NCAM2: variants seen among roughly 807,000 people sequenced by gnomAD.
The protein encoded by NCAM2 is neural cell adhesion molecule 2, also known as N-CAM-2.
Under a neutral mutation model 98.1 loss-of-function variants are expected in NCAM2, and 30 were observed. The observed-to-expected ratio is 0.31, with a 90% CI of 0.23 to 0.41. The LOEUF is 0.41. Ranked by LOEUF, NCAM2 falls within the 10% of genes least tolerant of loss-of-function variation. NCAM2 has a pLI of 1.00. For missense variants in NCAM2, 867 were observed against 1,005.8 expected (o/e 0.86, Z 1.87); for synonymous variants, 368 against 342.4 (o/e 1.07, Z -0.83).
At chr21:21,133,212 A>G (rs1328901923) in intron 1 of NCAM2, among the ~76,000 whole-genome samples, 7 of 152,324 alleles carry the variant, frequency 4.6e-5, no homozygotes, top group Admixed American at 3.9e-4. Context: ...ACTAACAATG[A>G]AGAAAACATT....
chr21:21,165,624 C>G (rs1477161049), intron 1 of NCAM2, among the ~76,000 whole-genome samples: 1 of 152,218 alleles, frequency 6.6e-6, no homozygotes, highest in Non-Finnish European at 1.5e-5. Flanking sequence ...GAGGCCTGCT[C>G]ATTTTTTACC....
Position 21,142,366 on chromosome 21 carries a change from T to A in NCAM2, c.56-138212T>A, listed in dbSNP as rs760446125. On this transcript the variant is annotated intron_variant, in intron 1 of 17. Coordinates refer to ENST00000400546, the MANE Select transcript of NCAM2 (RefSeq NM_004540.5). ...CTTCACTTTTTAAATTATTTGACCG[T>A]TTTTTTTTATGTTTTTTTTTTTTTT... Among the ~76,000 whole-genome samples the A allele has an allele frequency of 5.3e-5, 4 of 75,578 alleles. No individual in the cohort carries two copies. The Admixed American group carries it at 7.3e-4, about 14-fold the overall frequency. 49.6% of individuals were successfully genotyped at this position (75,578 alleles called of 152,430 possible).
At chr21:21,306,280 TTAAACTC>T (rs950608161) in intron 5 of NCAM2, among the ~76,000 whole-genome samples, 4 of 152,174 alleles carry the variant, frequency 2.6e-5, no homozygotes, top group Admixed American at 1.3e-4. Context: ...AAATAGCTGT[TTAAACTC>T]TAATAAAATT....
At chr21:21,028,957 G>T (rs1352655666) in intron 1 of NCAM2, among the ~76,000 whole-genome samples, 4 of 152,128 alleles carry the variant, frequency 2.6e-5, no homozygotes, top group Admixed American at 1.3e-4. Context: ...TTTACATTTA[G>T]TGTTAAAATT....
At chr21:21,379,067 T>C (rs552587720) in intron 9 of NCAM2, among the ~76,000 whole-genome samples, 3 of 152,194 alleles carry the variant, frequency 2.0e-5, no homozygotes, top group African/African-American at 7.2e-5. Flanking sequence ...AGGGCTGTTA[T>C]TAATTTTGAG....
intron 9 of NCAM2, among the ~76,000 whole-genome samples, chr21:21,389,028 G>A (rs115447772): frequency 6.6e-6 from 1 of 152,126 alleles, no homozygotes; most frequent in Admixed American, 6.5e-5. Flanking sequence ...GGGTAACTGG[G>A]ATATCCCTCA....
chr21:21,336,182 A>G (rs1478096665), intron 7 of NCAM2, among the ~76,000 whole-genome samples: 3 of 152,170 alleles, frequency 2.0e-5, no homozygotes, highest in African/African-American at 7.2e-5. Context: ...TTACAGAAAT[A>G]TAATGACGTA....
chr21:21,123,794 A>T (rs1335432794), intron 1 of NCAM2, among the ~76,000 whole-genome samples: 3 of 149,786 alleles, frequency 2.0e-5, no homozygotes, highest in Non-Finnish European at 4.4e-5. Context: ...CATTTTACAG[A>T]TGATGAAGTG....
chr21:21,066,863 G>A (rs1191486821), intron 1 of NCAM2, among the ~76,000 whole-genome samples: 1 of 151,984 alleles, frequency 6.6e-6, no homozygotes, highest in Non-Finnish European at 1.5e-5. Flanking sequence ...CTGAATTACT[G>A]TGTTATTGAT....
intron 2 of NCAM2, among the ~76,000 whole-genome samples, chr21:21,283,374 GA>G (rs2072994030): frequency 6.6e-6 from 1 of 151,870 alleles, no homozygotes. Context: ...GTAATTAGGT[GA>G]AATACATCCT....
intron 1 of NCAM2, among the ~76,000 whole-genome samples, chr21:21,264,230 A>G (rs2072035327): frequency 6.6e-6 from 1 of 152,146 alleles, no homozygotes; most frequent in African/African-American, 2.4e-5. Flanking sequence ...AGTGGCCAAC[A>G]AAGATATGAA....
chr21:21,190,713 A>C (rs1257382909), intron 1 of NCAM2, among the ~76,000 whole-genome samples: 1 of 152,162 alleles, frequency 6.6e-6, no homozygotes, highest in African/African-American at 2.4e-5. Flanking sequence ...ATCAAGTTTT[A>C]GCTCTACTGT....
Position 21,385,395 on chromosome 21 carries a change from C to CACACACACACACACAT in NCAM2, c.1195+11386_1195+11387insACACACACACATACAC, listed in dbSNP as rs141149066. ...AAACACACACACACACACACACACA[C>CACACACACACACACAT]ACACGCACACACACATACACACACA... On this transcript the variant is annotated intron_variant, in intron 9 of 17. Transcript: ENST00000400546. Among the ~76,000 whole-genome samples, 878 of 150,668 alleles carry CACACACACACACACAT rather than the reference C, an allele frequency of 5.8e-3. 24 individuals carry two copies. In the East Asian group the frequency reaches 0.087, roughly 15 times the overall value.
rs560842087 is a variant in NCAM2 at position 21,142,202 on chromosome 21, G to C, written c.56-138376G>C. 5.9e-4 allele frequency among the ~76,000 whole-genome samples: 90 copies of C among 152,134 alleles called. No individual in the cohort carries two copies. In the Middle Eastern group the frequency reaches 0.02, roughly 34 times the overall value. On this transcript the variant is annotated intron_variant, in intron 1 of 17. Coordinates refer to ENST00000400546, the MANE Select transcript of NCAM2 (RefSeq NM_004540.5). Reference sequence around the variant, plus strand: ...TAATATGAATACTATAAACATTTGTGACTTTTTTGGGTAGTTTTTCCTGTC... The same window carrying C: ...TAATATGAATACTATAAACATTTGTCACTTTTTTGGGTAGTTTTTCCTGTC...
intron 8 of NCAM2, among the ~76,000 whole-genome samples, 155 bp from the exon 9 acceptor site, chr21:21,373,708 T>C (rs2075970604): frequency 6.6e-6 from 1 of 151,802 alleles, no homozygotes; most frequent in Non-Finnish European, 1.5e-5. Context: ...AAAAAACTTA[T>C]TCTTAGCTAT....
At chr21:21,327,618 G>A (rs1037104825) in intron 6 of NCAM2, among the ~76,000 whole-genome samples, 18 of 152,180 alleles carry the variant, frequency 1.2e-4, no homozygotes, top group Non-Finnish European at 2.1e-4. Flanking sequence ...GATCTCTTGT[G>A]ATGGTTGAAC....
At chr21:21,134,068 T>C (rs1216856460) in intron 1 of NCAM2, among the ~76,000 whole-genome samples, 2 of 58,824 alleles carry the variant, frequency 3.4e-5, no homozygotes, top group African/African-American at 1.4e-4. Context: ...TCCTCTCTTT[T>C]TTTTTTTTTT....
At chr21:21,243,753 A>G (rs973072675) in intron 1 of NCAM2, among the ~76,000 whole-genome samples, 10 of 152,204 alleles carry the variant, frequency 6.6e-5, no homozygotes, top group Non-Finnish European at 1.2e-4. Context: ...CCACTAGAAC[A>G]GGTCCTAAAG....
In NCAM2 at chr21:21,462,682, T is replaced by C. The variant is rs549281812; in HGVS notation, c.1655-3924T>C. Among the ~76,000 whole-genome samples, 3 of 152,170 alleles carry C rather than the reference T, an allele frequency of 2.0e-5. No homozygotes were observed. The South Asian group carries it at 6.2e-4, about 31-fold the overall frequency. ...TTTAATGTATCTTGACTTTTTTGTCTTTTTTGCCTTTATAGACAGGTGATA... is the reference window on the plus strand; with the variant it reads ...TTTAATGTATCTTGACTTTTTTGTCCTTTTTGCCTTTATAGACAGGTGATA... On this transcript the variant is annotated intron_variant, in intron 12 of 17. Transcript: ENST00000400546.
Sources: gnomAD v4.1 joint callset for allele counts (sites outside exome capture counted in the v4.1 genomes callset) on GRCh38, gnomAD v4.1.1 for gene constraint, MANE v1.5 for transcripts, NCBI Gene and HGNC (gene_info 2026-07-23, HGNC 2026-07-21) for gene names.